The following PCOLCE2 variants were observed in gnomAD, a reference collection of about 807,000 sequenced individuals.
PCOLCE2 encodes procollagen C-endopeptidase enhancer 2.
PCOLCE2 carries 42 observed loss-of-function variants against 47.0 expected under a neutral mutation model. The ratio of observed to expected loss-of-function variants is 0.89; its 90% CI spans 0.70 to 1.16. PCOLCE2 has a LOEUF of 1.16. Ranked by LOEUF, PCOLCE2 falls within the 50% of genes most tolerant of loss-of-function variation. The probability of loss-of-function intolerance (pLI) is 0.00; values close to 1 mark genes in which losing one functional copy is unlikely to be tolerated. For missense variants in PCOLCE2, 500 were observed against 526.1 expected (o/e 0.95, Z 0.49); for synonymous variants, 169 against 191.7 (o/e 0.88, Z 0.98).
chr3:142,869,386 A>G (rs893133695), intron 2 of PCOLCE2, among the ~76,000 whole-genome samples: 1 of 152,210 alleles, frequency 6.6e-6, no homozygotes, highest in African/African-American at 2.4e-5. Flanking sequence ...AGGTCCGGAA[A>G]GAAATCAAAG....
In PCOLCE2 at chr3:142,863,218, C is replaced by CA. The variant is rs1172911716; in HGVS notation, c.193-14747dup. The stretch of plus-strand genomic sequence containing the variant: ...CAGATGTCTGACAGCAGGTAAAAAA[C>CA]AAAAAAACAAAAAACATTGAAGATA... On this transcript the variant is annotated intron_variant, in intron 2 of 8. Coordinates refer to ENST00000295992, the MANE Select transcript of PCOLCE2 (RefSeq NM_013363.4). Among the ~76,000 whole-genome samples the CA allele has an allele frequency of 6.7e-5, 10 of 149,460 alleles. No homozygotes were observed. The South Asian group carries it at 1.1e-3, about 16-fold the overall frequency.
intron 2 of PCOLCE2, among the ~76,000 whole-genome samples, chr3:142,861,378 G>A (rs1933180574): frequency 2.0e-5 from 3 of 152,018 alleles, no homozygotes; most frequent in Admixed American, 6.6e-5. Context: ...TAGAACTCTC[G>A]TTAGTCAGAC....
At chr3:142,825,136 T>C (rs1937060422) in intron 6 of PCOLCE2, among the ~76,000 whole-genome samples, 1 of 152,244 alleles carries the variant, frequency 6.6e-6, no homozygotes, top group Non-Finnish European at 1.5e-5. Context: ...ACTTCAGCTG[T>C]AAATTTATGG....
intron 8 of PCOLCE2, among the ~76,000 whole-genome samples, chr3:142,820,399 T>C (rs564524052): frequency 1.3e-5 from 2 of 152,374 alleles, no homozygotes; most frequent in South Asian, 2.1e-4. Context: ...CCTCTAGCTC[T>C]GGAGTAACTT....
chr3:142,888,476 A>AT (rs1933756633), intron 1 of PCOLCE2, among the ~76,000 whole-genome samples: 1 of 152,182 alleles, frequency 6.6e-6, no homozygotes, highest in African/African-American at 2.4e-5. Flanking sequence ...CAAAATCCAC[A>AT]TATTTGGGCC....
At chr3:142,880,457 T>A (rs1933591886) in intron 2 of PCOLCE2, among the ~76,000 whole-genome samples, 2 of 152,242 alleles carry the variant, frequency 1.3e-5, no homozygotes, top group South Asian at 4.1e-4. Context: ...GTTGAGTTCC[T>A]GCCTAAATTC....
chr3:142,827,645 A>G, intron 6 of PCOLCE2: 1 of 1,463,906 alleles, frequency 6.8e-7, no homozygotes. Flanking sequence ...AGCAATGAAA[A>G]GCTCCGTCCG....
intron 2 of PCOLCE2, among the ~76,000 whole-genome samples, chr3:142,856,401 T>C (rs1422786178): frequency 1.3e-5 from 2 of 152,186 alleles, no homozygotes; most frequent in African/African-American, 4.8e-5. Flanking sequence ...CAGCCACTAG[T>C]ACTTCTTAAG....
chr3:142,823,110 G>A (rs933143576), intron 7 of PCOLCE2, among the ~76,000 whole-genome samples: 1 of 152,096 alleles, frequency 6.6e-6, no homozygotes, highest in African/African-American at 2.4e-5. Context: ...GCAGTACAGG[G>A]GAAATACTTG....
chr3:142,839,287 T>C (rs1937238804), intron 4 of PCOLCE2, among the ~76,000 whole-genome samples: 1 of 152,138 alleles, frequency 6.6e-6, no homozygotes, highest in South Asian at 2.1e-4. Context: ...TAATAACATA[T>C]AATAAACTTC....
intron 2 of PCOLCE2, among the ~76,000 whole-genome samples, chr3:142,867,056 A>G (rs968633774): frequency 1.3e-5 from 2 of 152,194 alleles, no homozygotes; most frequent in African/African-American, 2.4e-5. Context: ...TGGGAGGGCC[A>G]GTTTTTTCAA....
At chr3:142,843,192 C>T (rs953185333) in intron 3 of PCOLCE2, 144 bp from the exon 4 acceptor site, 6 of 756,270 alleles carry the variant, frequency 7.9e-6, no homozygotes, top group African/African-American at 1.7e-5. Flanking sequence ...TTCTCTTAAA[C>T]ATATGGTTAC....
chr3:142,876,712 CCT>C (rs971253744), intron 2 of PCOLCE2, among the ~76,000 whole-genome samples: 11 of 152,052 alleles, frequency 7.2e-5, no homozygotes, highest in Admixed American at 6.6e-4. Context: ...GCTTTCTGGG[CCT>C]CTCTCTCTCC....
chr3:142,839,329 T>G (rs1937239370), intron 4 of PCOLCE2, among the ~76,000 whole-genome samples: 2 of 151,928 alleles, frequency 1.3e-5, no homozygotes, highest in African/African-American at 4.8e-5. Context: ...TTTTTTTTTT[T>G]GAGACAGAGT....
At chr3:142,888,769 G>T in intron 1 of PCOLCE2, 45 bp downstream of exon 1, 1 of 1,184,692 alleles carries the variant, frequency 8.4e-7, no homozygotes, top group Non-Finnish European at 1.2e-6. Flanking sequence ...CAGGGGTGGA[G>T]GAAGGGAAAG....
At chr3:142,836,612 T>G (rs1192758916) in intron 5 of PCOLCE2, among the ~76,000 whole-genome samples, 8 of 152,254 alleles carry the variant, frequency 5.3e-5, no homozygotes, top group Non-Finnish European at 5.9e-5. Context: ...TATCTTATCT[T>G]GCATATTGCT....
chr3:142,887,636 T>G (rs1933739804), intron 2 of PCOLCE2, 33 bp downstream of exon 2: 1 of 1,137,496 alleles, frequency 8.8e-7, no homozygotes, highest in African/African-American at 1.5e-5. Flanking sequence ...CAACACCCAC[T>G]TCCAGGAGAA....
intron 2 of PCOLCE2, among the ~76,000 whole-genome samples, chr3:142,854,035 G>T (rs1472813890): frequency 6.6e-6 from 1 of 152,194 alleles, no homozygotes; most frequent in Non-Finnish European, 1.5e-5. Context: ...TGCATTTTAA[G>T]CTGATGGTTT....
At chr3:142,835,422 T>C (rs1202816438) in intron 5 of PCOLCE2, among the ~76,000 whole-genome samples, 2 of 152,336 alleles carry the variant, frequency 1.3e-5, no homozygotes, top group African/African-American at 2.4e-5. Flanking sequence ...AATTAGTGTT[T>C]GCTTCTAATC....
Sources: allele counts gnomAD v4.1 joint callset (sites outside exome capture counted in the v4.1 genomes callset), GRCh38; gene constraint gnomAD v4.1.1; transcripts MANE v1.5; gene names NCBI Gene and HGNC (gene_info 2026-07-23, HGNC 2026-07-21).